Variants in SHC2 observed in about 807,000 individuals in gnomAD.
The protein encoded by SHC2 is SHC adaptor protein 2, also known as SHC-transforming protein 2.
In SHC2, 62 loss-of-function variants were observed where a neutral mutation model predicts 60.6. The ratio of observed to expected loss-of-function variants is 1.02; its 90% CI spans 0.83 to 1.26. SHC2 has a LOEUF of 1.26. Ranked by LOEUF, SHC2 falls within the 50% of genes most tolerant of loss-of-function variation. The pLI is 0.00. For synonymous variants in SHC2, 375 were observed against 372.4 expected, an observed-to-expected ratio of 1.01 and a Z score of -0.08; for missense variants, 873 against 822.2, an observed-to-expected ratio of 1.06 and a Z score of -0.76.
At chr19:418,718 G>A (rs375916210) in intron 12 of SHC2, among the ~76,000 whole-genome samples, 3 of 140,046 alleles carry the variant, frequency 2.1e-5, no homozygotes, top group African/African-American at 6.6e-5. Context: ...AGGGAGTGAC[G>A]GCTGGTGGGG....
At chr19:454,363 AG>A (rs1975280410) in intron 1 of SHC2, among the ~76,000 whole-genome samples, 1 of 152,210 alleles carries the variant, frequency 6.6e-6, no homozygotes, top group South Asian at 2.1e-4. Context: ...CCACAGAGAC[AG>A]GGGACCCTGT....
At position 440,886 on chromosome 19, in the gene SHC2, A is replaced by C; in HGVS notation, c.515T>G (p.Phe172Cys). 17 of 1,612,828 alleles carry C rather than the reference A, an allele frequency of 1.1e-5. No homozygotes were observed. Among genetic ancestry groups the C allele is most frequent in the Non-Finnish European group, 1.4e-5 (16 of 1,179,798 alleles). ...CCTGGTCACCTGCGTGCGCGTGTTAAAGTCCAGGGAGCGCATAGAGCGGAG... is the reference window on the plus strand; with the variant it reads ...CCTGGTCACCTGCGTGCGCGTGTTACAGTCCAGGGAGCGCATAGAGCGGAG... Reference protein sequence around the residue: ...EVLRSMRSLDFNTRTQVTREA... With the variant: ...EVLRSMRSLDCNTRTQVTREA... The change falls in exon 2 of 13, where the codon TTT (phenylalanine) becomes TGT (cysteine). Residue 172 changes from phenylalanine to cysteine, a missense_variant. Phe to Cys is a radical substitution (Grantham distance 205). Coordinates refer to ENST00000264554, the MANE Select transcript of SHC2 (RefSeq NM_012435.3). This position sits in a 1 kb window ranked among gnomAD's most constrained non-coding sequence, Gnocchi z 7.0.
chr19:444,809 C>T (rs370418053), intron 1 of SHC2, among the ~76,000 whole-genome samples: 1 of 152,248 alleles, frequency 6.6e-6, no homozygotes, highest in African/African-American at 2.4e-5. Context: ...TAACTCAGGG[C>T]GCTTGTCACG....
intron 11 of SHC2, among the ~76,000 whole-genome samples, chr19:421,606 G>A (rs922463924): frequency 2.0e-5 from 3 of 152,130 alleles, no homozygotes; most frequent in African/African-American, 7.2e-5. Context: ...TTTGTAAGGT[G>A]CATAAGTCAT....
intron 8 of SHC2, among the ~76,000 whole-genome samples, chr19:431,085 C>T (rs1436634786): frequency 6.7e-6 from 1 of 149,224 alleles, no homozygotes; most frequent in Non-Finnish European, 1.5e-5. Context: ...AATGCCGCTT[C>T]CTCAGGGAAG....
chr19:442,013 A>G (rs1207116295), intron 1 of SHC2, among the ~76,000 whole-genome samples: 2 of 152,204 alleles, frequency 1.3e-5, no homozygotes, highest in Non-Finnish European at 2.9e-5. Flanking sequence ...CAAGGAGCAG[A>G]GACAGATGTG....
At chr19:423,184 G>T (rs1974327394) in intron 10 of SHC2, among the ~76,000 whole-genome samples, 1 of 95,440 alleles carries the variant, frequency 1.0e-5, no homozygotes. Context: ...GTCCTGGGGG[G>T]TCCTCCCGCC....
intron 8 of SHC2, among the ~76,000 whole-genome samples, chr19:434,199 C>T (rs1035693874): frequency 1.2e-5 from 1 of 85,508 alleles, no homozygotes; most frequent in Non-Finnish European, 2.2e-5. Context: ...AGATACACGG[C>T]GCCCCATTGT....
rs1327853864 is a variant in SHC2 at position 460,742 on chromosome 19, G to C, written c.255C>G (p.Pro85=). ...GCAGGGGACAGGGCGCGGCGCAGCG[G>C]GGCTCGCAGGCGCCCAGGACGGCGG... ...LAAAVLGACE[P]RCAAPCPLPA... The change falls in exon 1 of 13, where the codon CCC becomes CCG. Residue 85 remains proline (P), a synonymous_variant. Transcript: ENST00000264554. The C allele has an allele frequency of 3.1e-6, 3 of 980,452 alleles. No individual in the cohort carries two copies. Among genetic ancestry groups the C allele is most frequent in the African/African-American group, 1.8e-5 (1 of 56,422 alleles). 60.7% of individuals were successfully genotyped at this position (980,452 alleles called of 1,614,324 possible).
rs945322146 is a variant in SHC2 at position 460,773 on chromosome 19, A to G, written c.224T>C (p.Leu75Pro). 2.0e-6 allele frequency: 2 copies of G among 977,952 alleles called. No homozygotes were observed. The highest frequency in any genetic ancestry group is 3.6e-5 in the African/African-American group (2 of 55,938). 60.6% of individuals were successfully genotyped at this position (977,952 alleles called of 1,614,324 possible). A position where few individuals can be genotyped will look rare whatever the true frequency, so the allele number is the denominator to read the frequency against. Reference sequence around the variant, plus strand: ...GCAGGCGCCCAGGACGGCGGCCGCCAGCGCCGGGACGCCCCCCGGGCCCGC... The same window carrying G: ...GCAGGCGCCCAGGACGGCGGCCGCCGGCGCCGGGACGCCCCCCGGGCCCGC... ...EPAGPGGVPA[L>P]AAAVLGACEP... Residue 75 changes from leucine to proline, a missense_variant, in exon 1 of 13, where the codon CTG (leucine) becomes CCG (proline). Transcript: ENST00000264554.
intron 1 of SHC2, among the ~76,000 whole-genome samples, chr19:458,882 G>A (rs114141668): frequency 0.038 from 5,829 of 151,996 alleles, 382 homozygotes; most frequent in African/African-American, 0.13. Flanking sequence ...GAAGCCGGTT[G>A]TACTGCGCAG....
At chr19:427,656 C>A (rs1974454797) in intron 9 of SHC2, among the ~76,000 whole-genome samples, 1 of 60,694 alleles carries the variant, frequency 1.6e-5, no homozygotes, top group Non-Finnish European at 2.8e-5. Flanking sequence ...GCGCACAGCA[C>A]ACGGAAGGGG....
In SHC2 at chr19:436,295, C is replaced by T. The variant is rs1245055640; in HGVS notation, c.827-4G>A. The stretch of plus-strand genomic sequence containing the variant: ...CAGCACTCCAGGATGTGGCAGGCTG[C>T]GGGCACGTTGGTCATGCAGCCTCCG... On this transcript the variant is annotated splice_polypyrimidine_tract_variant and splice_region_variant and intron_variant, in intron 6 of 12. Coordinates refer to ENST00000264554, the MANE Select transcript of SHC2 (RefSeq NM_012435.3). 20 of 1,587,776 alleles carry T rather than the reference C, an allele frequency of 1.3e-5. No individual in the cohort carries two copies. The highest frequency in any genetic ancestry group is 2.7e-5 in the African/African-American group (2 of 74,480).
Position 422,397 on chromosome 19 carries a change from C to A in SHC2, c.1369G>T (p.Ala457Ser), listed in dbSNP as rs1974300624. 2 of 1,597,290 alleles carry A rather than the reference C, an allele frequency of 1.3e-6. No homozygotes were observed. Among genetic ancestry groups the A allele is most frequent in the Non-Finnish European group, 1.7e-6 (2 of 1,172,706 alleles). The part of the protein sequence containing the change: ...ECSVAAGVTA[A>S]PLPLEDQWPS... Reference sequence around the variant, plus strand: ...CACTGGTCCTCCAAGGGAAGAGGGGCTGCTGTCACGCCTGCCGCCACTGAG... The same window carrying A: ...CACTGGTCCTCCAAGGGAAGAGGGGATGCTGTCACGCCTGCCGCCACTGAG... The change falls in exon 11 of 13, where the codon GCC becomes TCC. Residue 457 changes from alanine to serine, a missense_variant. Ala to Ser is a moderately conservative substitution (Grantham distance 99). Transcript: ENST00000264554. This position sits in a 1 kb window ranked among gnomAD's most constrained non-coding sequence, Gnocchi z 5.0.
rs1974856177 is a variant in SHC2, at chr19:441,156, G to T, written c.469-224C>A. ...TCCAGGCATGTTTTTCTGTGTTGCT[G>T]TTTCTCAGGAGCCTGGTGGTTCCCC... On this transcript the variant is annotated intron_variant, in intron 1 of 12. Transcript: ENST00000264554. The surrounding 1 kb of genome is among the most constrained non-coding windows in gnomAD (Gnocchi z 4.9). 1.0e-6 allele frequency: 1 copy of T among 985,088 alleles called. No homozygotes were observed. The highest frequency in any genetic ancestry group is 1.2e-6 in the Non-Finnish European group (1 of 829,848). 61.0% of individuals were successfully genotyped at this position (985,088 alleles called of 1,614,324 possible). A position where few individuals can be genotyped will look rare whatever the true frequency, so the allele number is the denominator to read the frequency against.
chr19:451,795 A>C (rs1975205878), intron 1 of SHC2, among the ~76,000 whole-genome samples: 3 of 152,068 alleles, frequency 2.0e-5, no homozygotes, highest in African/African-American at 7.2e-5. Context: ...ACGGGGTTTC[A>C]CCATGTTGAC....
Position 446,336 on chromosome 19 carries a change from G to A in SHC2, c.469-5404C>T, listed in dbSNP as rs1227555915. Among the ~76,000 whole-genome samples, 3 of 152,260 alleles carry A rather than the reference G, an allele frequency of 2.0e-5. No individual in the cohort carries two copies. Among genetic ancestry groups the A allele is most frequent in the African/African-American group, 7.2e-5 (3 of 41,540 alleles). On this transcript the variant is annotated intron_variant, in intron 1 of 12. Coordinates refer to ENST00000264554, the MANE Select transcript of SHC2 (RefSeq NM_012435.3). This position sits in a 1 kb window ranked among gnomAD's most constrained non-coding sequence, Gnocchi z 5.4. ...GGTTTTTGTTTGTTTGTTTGAGACG[G>A]AGTCTTGCTCTGTCGCCAGGCTGGA...
chr19:458,271 TG>T, intron 1 of SHC2, among the ~76,000 whole-genome samples: 1 of 56,690 alleles, frequency 1.8e-5, no homozygotes, highest in Non-Finnish European at 3.4e-5. Flanking sequence ...AAGCGGGTCT[TG>T]GGGAGGCGGA....
In SHC2 at chr19:440,087, G is replaced by T. The variant is rs929824334; in HGVS notation, c.539+775C>A. Among the ~76,000 whole-genome samples, 1 of 117,708 alleles carries T rather than the reference G, an allele frequency of 8.5e-6. No homozygotes were observed. The highest frequency in any genetic ancestry group is 5.5e-5 in the African/African-American group (1 of 18,244). 77.2% of individuals were successfully genotyped at this position (117,708 alleles called of 152,430 possible). On this transcript the variant is annotated intron_variant, in intron 2 of 12. Coordinates refer to ENST00000264554, the MANE Select transcript of SHC2 (RefSeq NM_012435.3). This position sits in a 1 kb window ranked among gnomAD's most constrained non-coding sequence, Gnocchi z 7.0. ...AGGCCACAGCGCGGACACACCTCGGGAACGCCATGCTCAGTGAGAGACGCC... is the reference window on the plus strand; with the variant it reads ...AGGCCACAGCGCGGACACACCTCGGTAACGCCATGCTCAGTGAGAGACGCC...
Sources: gnomAD v4.1 joint callset for allele counts (sites outside exome capture counted in the v4.1 genomes callset) on GRCh38, gnomAD v4.1.1 for gene constraint, Gnocchi (gnomAD v3.1) non-coding constraint, MANE v1.5 for transcripts, NCBI Gene and HGNC (gene_info 2026-07-23, HGNC 2026-07-21) for gene names.